PTPRU: variants seen among roughly 807,000 people sequenced by gnomAD.
The protein encoded by PTPRU is protein tyrosine phosphatase receptor type U.
A neutral mutation model predicts 166.3 loss-of-function variants in PTPRU; 69 were observed. That is an observed-to-expected ratio of 0.41 (90% CI 0.34 to 0.51). The LOEUF is 0.51. Ranked by LOEUF, PTPRU falls within the 20% of genes least tolerant of loss-of-function variation. The pLI is 0.09. For synonymous variants in PTPRU, 793 were observed against 814.0 expected (o/e 0.97, Z 0.44); for missense variants, 1,657 against 2,013.7 (o/e 0.82, Z 3.39).
chr1:29,283,018 G>C, intron 12 of PTPRU, 69 bp downstream of exon 12: 3 of 1,576,220 alleles, frequency 1.9e-6, no homozygotes, highest in South Asian at 2.3e-5. Flanking sequence ...GAGATACCTT[G>C]GAGCAGGCCC....
Position 29,260,089 on chromosome 1 carries a change from G to A in PTPRU, c.850+45G>A. The A allele has an allele frequency of 3.7e-6, 5 of 1,365,566 alleles. No homozygotes were observed. The highest frequency in any genetic ancestry group is 4.7e-6 in the Non-Finnish European group (5 of 1,064,696). 84.6% of individuals were successfully genotyped at this position (1,365,566 alleles called of 1,614,324 possible). On this transcript the variant is annotated intron_variant, in intron 6 of 29. Coordinates refer to ENST00000373779, the MANE Select transcript of PTPRU (RefSeq NM_133178.4). The surrounding 1 kb of genome is among the most constrained non-coding windows in gnomAD (Gnocchi z 8.3). ...GGAGCGCCGGGACCTCACCCTCGAG[G>A]GGCGGGGCCGGCGACGGGGGCGGGC...
chr1:29,326,651 A>C lies in PTPRU; in HGVS notation c.*990A>C, dbSNP rs1029964422. The C allele has an allele frequency of 1.3e-5, 2 of 152,212 alleles. No homozygotes were observed. Among genetic ancestry groups the C allele is most frequent in the African/African-American group, 4.8e-5 (2 of 41,408 alleles). 9.4% of individuals were successfully genotyped at this position (152,212 alleles called of 1,614,324 possible). On this transcript the variant is annotated 3_prime_UTR_variant, in exon 30 of 30. Transcript: ENST00000373779. ...GGGTGGGTGGGAAGGTCTCTTTAAA[A>C]TGGGGCAGGCCACACCCCCATTCCG...
At position 29,317,738 on chromosome 1, in the gene PTPRU, C is replaced by T. The variant is rs1359796724; in HGVS notation, c.3514-10C>T. 6.2e-7 allele frequency: 1 copy of T among 1,602,042 alleles called. No homozygotes were observed. Among genetic ancestry groups the T allele is most frequent in the Non-Finnish European group, 8.5e-7 (1 of 1,177,020 alleles). On this transcript the variant is annotated splice_polypyrimidine_tract_variant and intron_variant, in intron 24 of 29. Coordinates refer to ENST00000373779, the MANE Select transcript of PTPRU (RefSeq NM_133178.4). This position sits in a 1 kb window ranked among gnomAD's most constrained non-coding sequence, Gnocchi z 5.6. ...ACGTAACTCTCTGTCCCCACCCCCGCTCCCTGTAGACGCTGAACTCGGTCA... is the reference window on the plus strand; with the variant it reads ...ACGTAACTCTCTGTCCCCACCCCCGTTCCCTGTAGACGCTGAACTCGGTCA...
intron 18 of PTPRU, among the ~76,000 whole-genome samples, chr1:29,305,757 A>C (rs1458053909): frequency 6.6e-6 from 1 of 152,304 alleles, no homozygotes. Context: ...ATGAGGCTGA[A>C]GAGGTAGGCA....
chr1:29,259,396 T>C (rs976941791), intron 4 of PTPRU, 53 bp from the exon 5 acceptor site: 13 of 1,609,172 alleles, frequency 8.1e-6, no homozygotes, highest in Non-Finnish European at 1.1e-5. Context: ...CGGCCGCGGC[T>C]CCTGCCTGCA....
chr1:29,270,843 C>T (rs1451964008), intron 7 of PTPRU, among the ~76,000 whole-genome samples: 2 of 152,166 alleles, frequency 1.3e-5, no homozygotes, highest in Non-Finnish European at 2.9e-5. Context: ...GTGGCACATG[C>T]CTGTGGTCCC....
intron 7 of PTPRU, among the ~76,000 whole-genome samples, chr1:29,267,820 A>C (rs1203865465): frequency 6.6e-6 from 1 of 152,226 alleles, no homozygotes; most frequent in Non-Finnish European, 1.5e-5. Flanking sequence ...GTTCTCCAGG[A>C]GGGCAAAGGT....
Position 29,236,599 on chromosome 1 carries a change from G to A in PTPRU, c.-46G>A. ...CGGGCTGGGCTCGGGCTCCGGGGGC[G>A]GCGTCCCCCGCGCCGGGCCCCGGGA... On this transcript the variant is annotated 5_prime_UTR_variant, in exon 1 of 30. Coordinates refer to ENST00000373779, the MANE Select transcript of PTPRU (RefSeq NM_133178.4). This position sits in a 1 kb window ranked among gnomAD's most constrained non-coding sequence, Gnocchi z 4.6. The A allele has an allele frequency of 8.3e-7, 1 of 1,204,328 alleles. No individual in the cohort carries two copies. Among genetic ancestry groups the A allele is most frequent in the Non-Finnish European group, 1.0e-6 (1 of 969,250 alleles). 74.6% of individuals were successfully genotyped at this position (1,204,328 alleles called of 1,614,324 possible). A position where few individuals can be genotyped will look rare whatever the true frequency, so the allele number is the denominator to read the frequency against.
chr1:29,287,557 T>C (rs1686412634), intron 14 of PTPRU, among the ~76,000 whole-genome samples: 1 of 151,370 alleles, frequency 6.6e-6, no homozygotes, highest in Non-Finnish European at 1.5e-5. Flanking sequence ...CAGCAGTCCC[T>C]GTGGGAGATT....
At chr1:29,325,067 T>G in intron 28 of PTPRU, 124 bp from the exon 29 acceptor site, 3 of 1,346,820 alleles carry the variant, frequency 2.2e-6, no homozygotes, top group Non-Finnish European at 3.1e-6. Context: ...TGCCCCACCC[T>G]TCTAGATTCC....
At chr1:29,252,434 A>G (rs992168712) in intron 1 of PTPRU, among the ~76,000 whole-genome samples, 2 of 151,822 alleles carry the variant, frequency 1.3e-5, no homozygotes, top group Non-Finnish European at 2.9e-5. Flanking sequence ...CACCCAGCTA[A>G]TTTTTTAATT....
In PTPRU at chr1:29,236,594, G is replaced by T. The variant is rs948699597; in HGVS notation, c.-51G>T. On this transcript the variant is annotated 5_prime_UTR_variant, in exon 1 of 30. Transcript: ENST00000373779. This position sits in a 1 kb window ranked among gnomAD's most constrained non-coding sequence, Gnocchi z 4.6. ...CGCCTCGGGCTGGGCTCGGGCTCCG[G>T]GGGCGGCGTCCCCCGCGCCGGGCCC... is the stretch of plus-strand genomic sequence containing the variant. 5.8e-6 allele frequency: 7 copies of T among 1,199,700 alleles called. No individual in the cohort carries two copies. The African/African-American group carries it at 9.5e-5, about 16-fold the overall frequency. 74.3% of individuals were successfully genotyped at this position (1,199,700 alleles called of 1,614,324 possible). A position where few individuals can be genotyped will look rare whatever the true frequency, so the allele number is the denominator to read the frequency against.
rs2151935999 is a variant in PTPRU at position 29,237,668 on chromosome 1, G to A, written c.73+951G>A. Among the ~76,000 whole-genome samples, 1 of 151,446 alleles carries A rather than the reference G, an allele frequency of 6.6e-6. No individual in the cohort carries two copies. Among genetic ancestry groups the A allele is most frequent in the Non-Finnish European group, 1.5e-5 (1 of 67,698 alleles). The stretch of plus-strand genomic sequence containing the variant: ...GGGCCCGAGGCTCAGGGGAGGACCG[G>A]GCCCCGCGGCCGCCGCCTCGGGCAT... On this transcript the variant is annotated intron_variant, in intron 1 of 29. Transcript: ENST00000373779. This position sits in a 1 kb window ranked among gnomAD's most constrained non-coding sequence, Gnocchi z 6.4.
rs757894378 is a variant in PTPRU, at chr1:29,316,022, T to C, written c.3384T>C (p.His1128=). The change falls in exon 24 of 30, where the codon CAT becomes CAC. Residue 1128 remains histidine (H), a synonymous_variant. Coordinates refer to ENST00000373779, the MANE Select transcript of PTPRU (RefSeq NM_133178.4). ...TCCAGGAGCAGTACATCTTCATTCA[T>C]GATGCAATCCTGGAGGCCTGCCTGT... ...IQTEEQYIFI[H]DAILEACLCG... 4.3e-6 allele frequency: 7 copies of C among 1,614,120 alleles called. No individual in the cohort carries two copies. The highest frequency in any genetic ancestry group is 2.2e-5 in the East Asian group (1 of 44,874).
chr1:29,280,272 C>G lies in PTPRU; in HGVS notation c.1868+131C>G, dbSNP rs746556382. The G allele has an allele frequency of 4.5e-6, 4 of 881,064 alleles. No homozygotes were observed. Among genetic ancestry groups the G allele is most frequent in the Non-Finnish European group, 6.9e-6 (4 of 582,722 alleles). 54.6% of individuals were successfully genotyped at this position (881,064 alleles called of 1,614,324 possible). A position where few individuals can be genotyped will look rare whatever the true frequency, so the allele number is the denominator to read the frequency against. ...GTCTCCCACGCAGGGCTTGGAGTGTCTGGAGGAGATTGTTCTGTGATGCTT... is the reference window on the plus strand; with the variant it reads ...GTCTCCCACGCAGGGCTTGGAGTGTGTGGAGGAGATTGTTCTGTGATGCTT... On this transcript the variant is annotated intron_variant, in intron 11 of 29. Coordinates refer to ENST00000373779, the MANE Select transcript of PTPRU (RefSeq NM_133178.4). The surrounding 1 kb of genome is among the most constrained non-coding windows in gnomAD (Gnocchi z 4.2).
At chr1:29,310,690 G>C in intron 18 of PTPRU, 54 bp from the exon 19 acceptor site, 1 of 1,558,034 alleles carries the variant, frequency 6.4e-7, no homozygotes, top group Non-Finnish European at 8.9e-7. Flanking sequence ...GGAGGTGTGG[G>C]GGAGTGAGGG....
rs766360744 is a variant in PTPRU at position 29,315,335 on chromosome 1, A to G, written c.3228-37A>G. 6.2e-7 allele frequency: 1 copy of G among 1,613,254 alleles called. No individual in the cohort carries two copies. The highest frequency in any genetic ancestry group is 2.2e-5 in the East Asian group (1 of 44,870). Reference sequence around the variant, plus strand: ...CTCCTTAGTCCCGGGCTTCCTCCCCAAAGCTCTGACCTGGTCTGGGGCTGC... The same window carrying G: ...CTCCTTAGTCCCGGGCTTCCTCCCCGAAGCTCTGACCTGGTCTGGGGCTGC... On this transcript the variant is annotated intron_variant, in intron 22 of 29. Transcript: ENST00000373779. The surrounding 1 kb of genome is among the most constrained non-coding windows in gnomAD (Gnocchi z 4.5).
At chr1:29,292,633 A>G (rs574848621) in intron 15 of PTPRU, among the ~76,000 whole-genome samples, 1 of 151,180 alleles carries the variant, frequency 6.6e-6, no homozygotes, top group Admixed American at 6.6e-5. Flanking sequence ...ACATCTTTTT[A>G]TTCTGTTTAG....
At chr1:29,276,067 T>C (rs193098594) in intron 8 of PTPRU, among the ~76,000 whole-genome samples, 2 of 152,362 alleles carry the variant, frequency 1.3e-5, no homozygotes, top group East Asian at 3.9e-4. Flanking sequence ...GATTTTTTTA[T>C]TCTTGTATCA....
Sources: allele counts gnomAD v4.1 joint callset (sites outside exome capture counted in the v4.1 genomes callset), GRCh38; gene constraint gnomAD v4.1.1; non-coding constraint Gnocchi (gnomAD v3.1); transcripts MANE v1.5; gene names NCBI Gene and HGNC (gene_info 2026-07-23, HGNC 2026-07-21).